The following INPP5D variants were observed in gnomAD, a reference collection of about 807,000 sequenced individuals.
The protein encoded by INPP5D is phosphatidylinositol 3,4,5-trisphosphate 5-phosphatase 1.
INPP5D carries 33 observed loss-of-function variants against 122.9 expected under a neutral mutation model. The ratio of observed to expected loss-of-function variants is 0.27; its 90% CI spans 0.20 to 0.36. The LOEUF is 0.36. INPP5D is among the 10% of genes least tolerant of loss of function. The probability of loss-of-function intolerance (pLI) is 1.00; values close to 1 mark genes in which losing one functional copy is unlikely to be tolerated. For synonymous variants in INPP5D, 584 were observed against 576.2 expected (o/e 1.01, Z -0.19); for missense variants, 1,053 against 1,412.7 (o/e 0.75, Z 4.08).
At chr2:233,136,492 A>G (rs1693469737) in intron 5 of INPP5D, among the ~76,000 whole-genome samples, 1 of 152,158 alleles carries the variant, frequency 6.6e-6, no homozygotes, top group Non-Finnish European at 1.5e-5. Flanking sequence ...AAAAAAAGGA[A>G]ATAGAATAAC....
At chr2:233,087,938 C>T (rs1476657958) in intron 2 of INPP5D, among the ~76,000 whole-genome samples, 1 of 152,156 alleles carries the variant, frequency 6.6e-6, no homozygotes, top group African/African-American at 2.4e-5. Context: ...CTGTAGCTCC[C>T]TCCAAAGTGG....
chr2:233,152,364 G>A (rs903322621), intron 9 of INPP5D, among the ~76,000 whole-genome samples: 3 of 152,158 alleles, frequency 2.0e-5, no homozygotes, highest in African/African-American at 7.2e-5. Context: ...GGAACAGCCA[G>A]TTGCTGTATG....
intron 1 of INPP5D, among the ~76,000 whole-genome samples, chr2:233,061,014 G>A (rs1478234801): frequency 6.6e-6 from 1 of 152,246 alleles, no homozygotes; most frequent in Non-Finnish European, 1.5e-5. Context: ...AAGGTGGCAA[G>A]GGGGACCCTT....
At chr2:233,139,329 T>C (rs899756837) in intron 5 of INPP5D, among the ~76,000 whole-genome samples, 93 of 152,258 alleles carry the variant, frequency 6.1e-4, no homozygotes, top group Non-Finnish European at 1.2e-3. Context: ...GGAAAATCCG[T>C]CTGAGCCTGC....
chr2:233,092,552 A>G (rs1692020527), intron 2 of INPP5D, among the ~76,000 whole-genome samples: 1 of 152,166 alleles, frequency 6.6e-6, no homozygotes, highest in African/African-American at 2.4e-5. Context: ...GAGGTACCAA[A>G]AGATGTGTGG....
At chr2:233,161,481 T>C (rs944158481) in intron 10 of INPP5D, among the ~76,000 whole-genome samples, 3 of 152,160 alleles carry the variant, frequency 2.0e-5, no homozygotes, top group African/African-American at 7.2e-5. Context: ...TGCAGAGCCG[T>C]GACAGGGTTG....
At chr2:233,123,859 C>T (rs1163678339) in intron 3 of INPP5D, among the ~76,000 whole-genome samples, 2 of 152,128 alleles carry the variant, frequency 1.3e-5, no homozygotes, top group Non-Finnish European at 2.9e-5. Context: ...AGCAAACTAA[C>T]ACAAGAACAG....
At chr2:233,194,488 C>CTTT (rs544200839) in intron 23 of INPP5D, among the ~76,000 whole-genome samples, 3 of 88,712 alleles carry the variant, frequency 3.4e-5, no homozygotes, top group Admixed American at 1.4e-4. Flanking sequence ...TTCTAAACTG[C>CTTT]TTTTTTTTTT....
At chr2:233,113,985 A>C (rs965243403) in intron 2 of INPP5D, among the ~76,000 whole-genome samples, 2 of 142,182 alleles carry the variant, frequency 1.4e-5, no homozygotes, top group East Asian at 2.1e-4. Context: ...ATCTCAGCTC[A>C]CTGCAAGCTC....
In INPP5D at chr2:233,164,695, G is replaced by A. The variant is rs1016344971; in HGVS notation, c.1555+271G>A. Among the ~76,000 whole-genome samples the A allele has an allele frequency of 3.9e-5, 6 of 152,176 alleles. No individual in the cohort carries two copies. The highest frequency in any genetic ancestry group is 2.6e-4 in the Admixed American group (4 of 15,274). Reference sequence around the variant, plus strand: ...AGCTCAGGGTTCCAAGTTTCTGACAGGTTCCCAGGCGACTTGAGCGCTGCT... The same window carrying A: ...AGCTCAGGGTTCCAAGTTTCTGACAAGTTCCCAGGCGACTTGAGCGCTGCT... On this transcript the variant is annotated intron_variant, in intron 13 of 26. Coordinates refer to ENST00000445964, the MANE Select transcript of INPP5D (RefSeq NM_001017915.3). The surrounding 1 kb of genome is among the most constrained non-coding windows in gnomAD (Gnocchi z 4.3).
chr2:233,145,761 C>G (rs145555157), intron 6 of INPP5D, among the ~76,000 whole-genome samples: 1 of 151,950 alleles, frequency 6.6e-6, no homozygotes, highest in Non-Finnish European at 1.5e-5. Flanking sequence ...ATTTTCTCCT[C>G]TACGTGGAGA....
chr2:233,144,388 G>A (rs1344847160), intron 6 of INPP5D, among the ~76,000 whole-genome samples: 7 of 150,476 alleles, frequency 4.7e-5, no homozygotes, highest in South Asian at 2.1e-4. Context: ...TCATGATCAC[G>A]GTGGGAGTGA....
At position 233,202,617 on chromosome 2, in the gene INPP5D, C is replaced by T. The variant is rs115652348; in HGVS notation, c.2976-1509C>T. ...GTGCACATCCCATCAGTAACAGGCG[C>T]AACAGCCTCAACAGCTCAGTGGGTT... On this transcript the variant is annotated intron_variant, in intron 25 of 26. Transcript: ENST00000445964. Among the ~76,000 whole-genome samples, 243 of 152,340 alleles carry T rather than the reference C, an allele frequency of 1.6e-3. 1 individual carries two copies. Among genetic ancestry groups the T allele is most frequent in the African/African-American group, 5.6e-3 (233 of 41,586 alleles).
chr2:233,196,709 G>A (rs1267256718), intron 24 of INPP5D, among the ~76,000 whole-genome samples: 1 of 152,150 alleles, frequency 6.6e-6, no homozygotes, highest in South Asian at 2.1e-4. Context: ...TGTGGTCTCC[G>A]AGATCCAGAA....
At chr2:233,135,662 C>A (rs1412109187) in intron 5 of INPP5D, among the ~76,000 whole-genome samples, 3 of 150,322 alleles carry the variant, frequency 2.0e-5, no homozygotes, top group Non-Finnish European at 4.4e-5. Context: ...AATTCAAACT[C>A]CTTGACAGTA....
chr2:233,084,017 T>G (rs578213793), intron 2 of INPP5D, among the ~76,000 whole-genome samples: 1 of 152,334 alleles, frequency 6.6e-6, no homozygotes, highest in African/African-American at 2.4e-5. Flanking sequence ...ATTGATTGTT[T>G]CAGTCAAGAT....
At chr2:233,166,853 G>A (rs1694355147) in intron 13 of INPP5D, among the ~76,000 whole-genome samples, 1 of 152,054 alleles carries the variant, frequency 6.6e-6, no homozygotes, top group Non-Finnish European at 1.5e-5. Flanking sequence ...ATGTGGTGGT[G>A]CGCACCTGTA....
chr2:233,121,997 G>A (rs372114779), intron 2 of INPP5D, 110 bp from the exon 3 acceptor site: 27 of 1,271,016 alleles, frequency 2.1e-5, no homozygotes, highest in Non-Finnish European at 2.9e-5. Context: ...GCTTTTCCTG[G>A]ATCGCAGTCA....
chr2:233,116,111 T>A (rs1443956253), intron 2 of INPP5D, among the ~76,000 whole-genome samples: 2 of 152,070 alleles, frequency 1.3e-5, no homozygotes, highest in Admixed American at 1.3e-4. Flanking sequence ...GTTTGTTTTT[T>A]CTGCTTGACT....
Sources: gnomAD v4.1 joint callset for allele counts (sites outside exome capture counted in the v4.1 genomes callset) on GRCh38, gnomAD v4.1.1 for gene constraint, Gnocchi (gnomAD v3.1) non-coding constraint, MANE v1.5 for transcripts, NCBI Gene and HGNC (gene_info 2026-07-23, HGNC 2026-07-21) for gene names.